The following URB1 variants were observed in gnomAD, a reference collection of about 807,000 sequenced individuals.
URB1 encodes the protein URB1 ribosome biogenesis factor, also known as nucleolar pre-ribosomal-associated protein 1.
Under a neutral mutation model 242.3 loss-of-function variants are expected in URB1, and 197 were observed. That is an observed-to-expected ratio of 0.81 (90% confidence interval 0.72 to 0.91). The LOEUF (loss-of-function observed/expected upper bound fraction) is 0.91, where lower values mean the gene tolerates loss of function less well. URB1 is among the 40% of genes least tolerant of loss of function. URB1 has a pLI of 0.00. For missense variants in URB1, 2,721 were observed against 2,860.5 expected, an observed-to-expected ratio of 0.95 and a Z score of 1.11; for synonymous variants, 1,153 against 1,201.8, an observed-to-expected ratio of 0.96 and a Z score of 0.84.
intron 4 of URB1, among the ~76,000 whole-genome samples, chr21:32,382,342 A>C (rs988647664): frequency 6.6e-6 from 1 of 152,204 alleles, no homozygotes; most frequent in Middle Eastern, 3.2e-3. Context: ...ATTGAATGGA[A>C]TTTGTTGACA....
intron 7 of URB1, among the ~76,000 whole-genome samples, 169 bp from the exon 8 acceptor site, chr21:32,372,800 G>A (rs921702510): frequency 1.2e-4 from 18 of 152,126 alleles, no homozygotes; most frequent in African/African-American, 3.4e-4. Flanking sequence ...AAGATACACC[G>A]ATCAAGATAA....
rs139356259 is a variant in URB1, at chr21:32,321,441, C to G, written c.5484+360G>C. Among the ~76,000 whole-genome samples, 75 of 152,244 alleles carry G rather than the reference C, an allele frequency of 4.9e-4. 2 individuals carry two copies. Among genetic ancestry groups the G allele is most frequent in the Middle Eastern group, 3.4e-3 (1 of 294 alleles). On this transcript the variant is annotated intron_variant, in intron 34 of 38. Coordinates refer to ENST00000382751, the MANE Select transcript of URB1 (RefSeq NM_014825.3). ...TGCCTCAGAGTACCTCAGTCACTGA[C>G]AGGGGGTTTCTAGACTTGTGACCAC... is the stretch of plus-strand genomic sequence containing the variant.
chr21:32,375,298 A>C, intron 6 of URB1, 100 bp downstream of exon 6: 1 of 711,366 alleles, frequency 1.4e-6, no homozygotes. Flanking sequence ...AATCTATGTA[A>C]GATAAGATGT....
Position 32,338,829 on chromosome 21 carries a change from C to G in URB1, c.4388G>C (p.Ser1463Thr), listed in dbSNP as rs1446888438. 2 of 1,551,588 alleles carry G rather than the reference C, an allele frequency of 1.3e-6. No individual in the cohort carries two copies. The highest frequency in any genetic ancestry group is 1.7e-4 in the Middle Eastern group (1 of 5,990). Residue 1463 changes from serine (S) to threonine (T), a missense_variant, in exon 26 of 39, where the codon AGC becomes ACC. Physicochemically the swap from Ser to Thr is moderately conservative, Grantham distance 58. Transcript: ENST00000382751. ...TAVQLLYSPE[S>T]SVRTKLIQLP... ...CTGGATGAGCTTCGTGCGCACGGAG[C>G]TTTCTGGGCTGTACAGGAGCTGTAC...
At chr21:32,316,323 C>T (rs974946356) in intron 38 of URB1, 143 bp downstream of exon 38, 12 of 1,312,134 alleles carry the variant, frequency 9.1e-6, no homozygotes, top group African/African-American at 8.9e-5. Context: ...ACCCCAGAAC[C>T]GTAAGGGGCC....
chr21:32,330,015 C>G (rs1754065356), intron 30 of URB1, among the ~76,000 whole-genome samples: 1 of 152,182 alleles, frequency 6.6e-6, no homozygotes. Flanking sequence ...GGTGTCACCA[C>G]TACTGACTTT....
intron 3 of URB1, 112 bp downstream of exon 3, chr21:32,384,201 T>C: frequency 3.8e-6 from 5 of 1,322,244 alleles, no homozygotes; most frequent in Non-Finnish European, 5.1e-6. Context: ...GCCTCGGAAA[T>C]AGCTCAGCTC....
chr21:32,313,364 A>T lies in URB1; in HGVS notation c.*1554T>A, dbSNP rs1321051243. The T allele has an allele frequency of 1.3e-5, 2 of 152,274 alleles. No individual in the cohort carries two copies. Among genetic ancestry groups the T allele is most frequent in the African/African-American group, 4.8e-5 (2 of 41,474 alleles). The allele number at this position is 152,274 out of a possible 1,614,324, so 9.4% of individuals were successfully genotyped here. ...ATAGGCCTTGGAGAGGTGGATAAAG[A>T]TTAAGGGGAACCAGGAAGAGAACGC... On this transcript the variant is annotated 3_prime_UTR_variant, in exon 39 of 39. Coordinates refer to ENST00000382751, the MANE Select transcript of URB1 (RefSeq NM_014825.3).
At position 32,349,483 on chromosome 21, in the gene URB1, G is replaced by A; in HGVS notation, c.2833C>T (p.Leu945=). The A allele has an allele frequency of 6.5e-7, 1 of 1,544,388 alleles. No homozygotes were observed. The change falls in exon 21 of 39, where the codon CTG becomes TTG. Residue 945 remains leucine, a splice_region_variant and synonymous_variant. Transcript: ENST00000382751. ...LRSTVENFGQ[L]GRSVGPPLLQ... ...AGGGGCGGGCCCACACTTCTGCCCA[G>A]CTGTGAGGACAAGAGCACGAGCCTC...
chr21:32,361,156 GAAAAAAGAAAGA>G lies in URB1; in HGVS notation c.1640-45_1640-34del, dbSNP rs762337487. ...AAAAAAAGAAAAAGAAAGAAAAAGA[GAAAAAAGAAAGA>G]AAGAAAGAAAGAAAGAAAGAAAGAA... is the stretch of plus-strand genomic sequence containing the variant. On this transcript the variant is annotated intron_variant, in intron 12 of 38. Transcript: ENST00000382751. 7.7e-3 allele frequency: 2,951 copies of G among 381,686 alleles called. 77 individuals carry two copies. The African/African-American group carries it at 0.11, about 14-fold the overall frequency. The allele number at this position is 381,686 out of a possible 1,614,324, so 23.6% of individuals were successfully genotyped here. A position where few individuals can be genotyped will look rare whatever the true frequency, so the allele number is the denominator to read the frequency against.
At chr21:32,379,169 C>A (rs562962679) in intron 4 of URB1, among the ~76,000 whole-genome samples, 19 of 152,378 alleles carry the variant, frequency 1.2e-4, no homozygotes, top group Admixed American at 8.5e-4. Flanking sequence ...GGCCCCAACA[C>A]CGTGACAGCA....
rs746280133 is a variant in URB1 at position 32,338,789 on chromosome 21, G to A, written c.4428C>T (p.Tyr1476=). The A allele has an allele frequency of 4.4e-5, 68 of 1,551,684 alleles. No homozygotes were observed. The highest frequency in any genetic ancestry group is 1.2e-4 in the East Asian group (5 of 40,914). The stretch of plus-strand genomic sequence containing the variant: ...ACAGCGAGTGCTGCATGAGCATCAC[G>A]TAGACCACCGGGAGCTGGATGAGCT... ...RTKLIQLPVV[Y]VMLMQHSLFL... The change falls in exon 26 of 39, where the codon TAC becomes TAT. Residue 1476 remains tyrosine (Y), a synonymous_variant. Coordinates refer to ENST00000382751, the MANE Select transcript of URB1 (RefSeq NM_014825.3).
intron 26 of URB1, among the ~76,000 whole-genome samples, chr21:32,338,403 C>T (rs530217068): frequency 2.0e-5 from 3 of 152,226 alleles, no homozygotes; most frequent in Middle Eastern, 3.4e-3. Context: ...TTTTTTCCCA[C>T]GCGTGACTTC....
At chr21:32,355,588 GAA>G (rs1354771304) in intron 15 of URB1, 23 bp from the exon 16 acceptor site, 5 of 1,530,106 alleles carry the variant, frequency 3.3e-6, no homozygotes, top group Admixed American at 2.0e-5. Context: ...AGGCACCGGT[GAA>G]AAAGTCAGAA....
At chr21:32,354,146 G>A in intron 17 of URB1, 43 bp from the exon 18 acceptor site, 1 of 1,547,176 alleles carries the variant, frequency 6.5e-7, no homozygotes, top group Non-Finnish European at 8.7e-7. Context: ...GAGAGCCACT[G>A]AAGGGTTTCA....
At chr21:32,337,198 T>G (rs1428020132) in intron 27 of URB1, 41 bp from the exon 28 acceptor site, 1 of 1,545,916 alleles carries the variant, frequency 6.5e-7, no homozygotes, top group Non-Finnish European at 8.8e-7. Flanking sequence ...GATGAACCCC[T>G]GACACCCTCC....
At chr21:32,334,090 A>G in intron 29 of URB1, 73 bp downstream of exon 29, 1 of 1,443,370 alleles carries the variant, frequency 6.9e-7, no homozygotes, top group East Asian at 2.5e-5. Flanking sequence ...AGAAAAACGA[A>G]GCTGAGGGTG....
At chr21:32,324,073 G>A (rs1302173288) in intron 32 of URB1, among the ~76,000 whole-genome samples, 1 of 152,172 alleles carries the variant, frequency 6.6e-6, no homozygotes, top group Admixed American at 6.5e-5. Context: ...GGAAGTCCAG[G>A]ACCGTCTGGC....
intron 14 of URB1, among the ~76,000 whole-genome samples, chr21:32,359,429 C>T (rs914425766): frequency 3.9e-5 from 6 of 152,224 alleles, no homozygotes; most frequent in African/African-American, 1.4e-4. Context: ...TATCTATTCT[C>T]ATCTCGTCTT....
Sources: gnomAD v4.1 joint callset for allele counts (sites outside exome capture counted in the v4.1 genomes callset) on GRCh38, gnomAD v4.1.1 for gene constraint, MANE v1.5 for transcripts, NCBI Gene and HGNC (gene_info 2026-07-23, HGNC 2026-07-21) for gene names.